The following ADCK1 variants were observed in gnomAD, a reference collection of about 807,000 sequenced individuals.
The protein encoded by ADCK1 is aarF domain-containing protein kinase 1.
In ADCK1, 41 loss-of-function variants were observed where a neutral mutation model predicts 52.3. The observed-to-expected ratio is 0.78, with a 90% CI of 0.61 to 1.02. The LOEUF is 1.02. Ranked by LOEUF, ADCK1 falls within the 50% of genes least tolerant of loss-of-function variation. The probability of loss-of-function intolerance (pLI) is 0.00; values close to 1 mark genes in which losing one functional copy is unlikely to be tolerated. For synonymous variants in ADCK1, 250 were observed against 274.6 expected (o/e 0.91, Z 0.89); for missense variants, 658 against 679.5 (o/e 0.97, Z 0.35).
intron 4 of ADCK1, among the ~76,000 whole-genome samples, chr14:77,861,147 C>T (rs1246216241): frequency 1.3e-5 from 2 of 152,152 alleles, no homozygotes; most frequent in African/African-American, 4.8e-5. Context: ...GTGGCTCCTG[C>T]CCCCACAATG....
chr14:77,824,925 C>G (rs755564994), intron 3 of ADCK1, among the ~76,000 whole-genome samples: 2 of 152,166 alleles, frequency 1.3e-5, no homozygotes, highest in Non-Finnish European at 2.9e-5. Context: ...CAGGATTTGG[C>G]TGATTACATC....
At chr14:77,803,537 G>C (rs1240320692) in intron 1 of ADCK1, among the ~76,000 whole-genome samples, 2 of 152,180 alleles carry the variant, frequency 1.3e-5, no homozygotes, top group African/African-American at 4.8e-5. Flanking sequence ...CTCTCCTGTT[G>C]CTTCATTTTC....
intron 3 of ADCK1, among the ~76,000 whole-genome samples, chr14:77,858,038 G>A (rs1470986878): frequency 7.9e-5 from 12 of 152,150 alleles, no homozygotes; most frequent in African/African-American, 2.9e-4. Flanking sequence ...TCCCAACTCT[G>A]GAAGGACCGG....
chr14:77,905,562 G>A (rs373511921), intron 6 of ADCK1, among the ~76,000 whole-genome samples: 3 of 151,992 alleles, frequency 2.0e-5, no homozygotes, highest in African/African-American at 7.2e-5. Flanking sequence ...TGTCTCCAGA[G>A]CCTTAGGGGC....
intron 4 of ADCK1, among the ~76,000 whole-genome samples, chr14:77,879,140 T>C (rs2140186156): frequency 6.6e-6 from 1 of 152,090 alleles, no homozygotes; most frequent in Admixed American, 6.5e-5. Flanking sequence ...CTCCCCTGGA[T>C]CAGCTGGAGG....
rs1056406204 is a variant in ADCK1, at chr14:77,934,246, C to T, written c.*855C>T. 3 of 151,960 alleles carry T rather than the reference C, an allele frequency of 2.0e-5. No homozygotes were observed. The highest frequency in any genetic ancestry group is 4.4e-5 in the Non-Finnish European group (3 of 68,098). The allele number at this position is 151,960 out of a possible 1,614,324, so 9.4% of individuals were successfully genotyped here. On this transcript the variant is annotated 3_prime_UTR_variant, in exon 11 of 11. Coordinates refer to ENST00000238561, the MANE Select transcript of ADCK1 (RefSeq NM_020421.4). Reference sequence around the variant, plus strand: ...GTAATCCTTCCAACCTGTGGGGCCACTTCCACTATGGGGCCACTTCCTGCT... The same window carrying T: ...GTAATCCTTCCAACCTGTGGGGCCATTTCCACTATGGGGCCACTTCCTGCT...
In ADCK1 at chr14:77,812,142, G is replaced by A. The variant is rs150948770; in HGVS notation, c.-11-6826G>A. Among the ~76,000 whole-genome samples, 703 of 152,108 alleles carry A rather than the reference G, an allele frequency of 4.6e-3. 2 individuals are homozygous for A. Among genetic ancestry groups the A allele is most frequent in the Admixed American group, 6.8e-3 (104 of 15,260 alleles). On this transcript the variant is annotated intron_variant, in intron 1 of 10. Coordinates refer to ENST00000238561, the MANE Select transcript of ADCK1 (RefSeq NM_020421.4). The stretch of plus-strand genomic sequence containing the variant: ...TACCCTTTTGTGTGTGTGTGGTGAG[G>A]ACACTTAAGATCTGCTCTCTCAGCA...
At chr14:77,875,990 G>A (rs2082890917) in intron 4 of ADCK1, among the ~76,000 whole-genome samples, 1 of 152,102 alleles carries the variant, frequency 6.6e-6, no homozygotes, top group Admixed American at 6.5e-5. Flanking sequence ...GACTAAAAAT[G>A]GACTTCCACT....
In ADCK1 at chr14:77,885,751, A is replaced by G. The variant is rs150999141; in HGVS notation, c.424-1340A>G. Among the ~76,000 whole-genome samples the G allele has an allele frequency of 6.2e-3, 945 of 152,306 alleles. 7 individuals carry two copies. The highest frequency in any genetic ancestry group is 0.022 in the African/African-American group (909 of 41,572). On this transcript the variant is annotated intron_variant, in intron 4 of 10. Coordinates refer to ENST00000238561, the MANE Select transcript of ADCK1 (RefSeq NM_020421.4). ...GGGCCAGGACAGCAGGCATCTATAC[A>G]TGCTTGTGCATGTGTGTGCACATGT...
chr14:77,863,622 A>T (rs2082599123), intron 4 of ADCK1, among the ~76,000 whole-genome samples: 5 of 152,202 alleles, frequency 3.3e-5, no homozygotes, highest in African/African-American at 1.2e-4. Flanking sequence ...GGATCACTTG[A>T]GGTCAAGAGT....
intron 4 of ADCK1, among the ~76,000 whole-genome samples, chr14:77,886,536 C>T (rs904201627): frequency 6.6e-6 from 1 of 152,142 alleles, no homozygotes. Flanking sequence ...CTTCCATGTA[C>T]GTCTTCTGTC....
intron 6 of ADCK1, among the ~76,000 whole-genome samples, chr14:77,901,278 G>T (rs970391369): frequency 9.3e-5 from 14 of 151,080 alleles, no homozygotes; most frequent in Middle Eastern, 6.8e-3. Context: ...TTGAACTCCC[G>T]ACCTCAAATG....
chr14:77,843,875 AG>A (rs2082123683), intron 3 of ADCK1, among the ~76,000 whole-genome samples: 1 of 152,142 alleles, frequency 6.6e-6, no homozygotes, highest in African/African-American at 2.4e-5. Context: ...AAGCTTTCTT[AG>A]CCACTAGCAA....
intron 7 of ADCK1, among the ~76,000 whole-genome samples, chr14:77,916,793 C>G (rs2083936092): frequency 6.6e-6 from 1 of 152,256 alleles, no homozygotes; most frequent in African/African-American, 2.4e-5. Context: ...CGCTTACAGA[C>G]TCCACCTCAG....
chr14:77,899,309 G>A (rs970585766), intron 6 of ADCK1, 51 bp downstream of exon 6: 2 of 1,600,986 alleles, frequency 1.2e-6, no homozygotes, highest in African/African-American at 1.3e-5. Flanking sequence ...GAAGAGTGTA[G>A]CGGTATGTGG....
chr14:77,822,274 G>A (rs2081599289), intron 2 of ADCK1, among the ~76,000 whole-genome samples, 161 bp from the exon 3 acceptor site: 1 of 152,218 alleles, frequency 6.6e-6, no homozygotes, highest in African/African-American at 2.4e-5. Context: ...ACAGGAGGAA[G>A]CTAGCTAGAA....
intron 1 of ADCK1, among the ~76,000 whole-genome samples, chr14:77,808,900 T>G (rs2081282214): frequency 6.6e-6 from 1 of 152,208 alleles, no homozygotes; most frequent in Non-Finnish European, 1.5e-5. Context: ...ATTCATTTAT[T>G]TGTTAACAGA....
intron 4 of ADCK1, among the ~76,000 whole-genome samples, chr14:77,874,224 C>G (rs1016644056): frequency 3.3e-5 from 5 of 152,194 alleles, no homozygotes; most frequent in Admixed American, 1.3e-4. Flanking sequence ...CACCCTGATG[C>G]CTCTGAGGAG....
intron 10 of ADCK1, among the ~76,000 whole-genome samples, chr14:77,932,983 G>A (rs570985317): frequency 1.3e-5 from 2 of 152,304 alleles, no homozygotes; most frequent in South Asian, 4.1e-4. Context: ...TTGATGCCCT[G>A]TGAAACAACT....
Sources: gnomAD v4.1 joint callset for allele counts (sites outside exome capture counted in the v4.1 genomes callset) on GRCh38, gnomAD v4.1.1 for gene constraint, MANE v1.5 for transcripts, NCBI Gene and HGNC (gene_info 2026-07-23, HGNC 2026-07-21) for gene names.